The following NOSTRIN variants were observed in gnomAD, a reference collection of about 807,000 sequenced individuals.
The protein encoded by NOSTRIN is BM247 homolog.
A neutral mutation model predicts 59.0 loss-of-function variants in NOSTRIN; 63 were observed. The observed-to-expected ratio is 1.07, with a 90% CI of 0.87 to 1.32. The LOEUF (loss-of-function observed/expected upper bound fraction) is 1.32. Among genes scored for constraint, NOSTRIN ranks in the 40% most tolerant of loss-of-function variants. NOSTRIN has a pLI of 0.00. For missense variants in NOSTRIN, 512 were observed against 473.1 expected, an observed-to-expected ratio of 1.08 and a Z score of -0.76; for synonymous variants, 200 against 165.4, an observed-to-expected ratio of 1.21 and a Z score of -1.61.
chr2:168,824,052 G>T (rs1407104209), intron 2 of NOSTRIN, among the ~76,000 whole-genome samples: 1 of 152,152 alleles, frequency 6.6e-6, no homozygotes, highest in Non-Finnish European at 1.5e-5. Context: ...TCCAGCCTGG[G>T]CAACAAGAGG....
At chr2:168,849,761 C>G (rs1045894251) in intron 8 of NOSTRIN, among the ~76,000 whole-genome samples, 3 of 151,860 alleles carry the variant, frequency 2.0e-5, no homozygotes, top group Admixed American at 6.6e-5. Flanking sequence ...ACATACCCAG[C>G]AGCCTTACAC....
intron 1 of NOSTRIN, among the ~76,000 whole-genome samples, chr2:168,806,032 T>G (rs1685834659): frequency 6.6e-6 from 1 of 152,090 alleles, no homozygotes; most frequent in African/African-American, 2.4e-5. Flanking sequence ...ATGTTCCATA[T>G]CCCGTAATCT....
At chr2:168,861,617 A>G (rs1276301080) in intron 14 of NOSTRIN, among the ~76,000 whole-genome samples, 2 of 152,228 alleles carry the variant, frequency 1.3e-5, no homozygotes, top group Non-Finnish European at 2.9e-5. Flanking sequence ...ACATGCCCCA[A>G]ATATCCCGTA....
At chr2:168,846,403 T>C (rs1688428104) in intron 8 of NOSTRIN, among the ~76,000 whole-genome samples, 1 of 152,208 alleles carries the variant, frequency 6.6e-6, no homozygotes, top group Non-Finnish European at 1.5e-5. Context: ...TCCTTTTTAC[T>C]CTACAGGTTG....
chr2:168,794,831 G>A (rs929941059), upstream of NOSTRIN, among the ~76,000 whole-genome samples: 1 of 149,832 alleles, frequency 6.7e-6, no homozygotes. Context: ...CTGGGCTCAA[G>A]GGATCCTCCT....
chr2:168,790,502 A>G (rs1425788975), intron 2 of NOSTRIN, among the ~76,000 whole-genome samples: 1 of 152,216 alleles, frequency 6.6e-6, no homozygotes, highest in African/African-American at 2.4e-5. Flanking sequence ...TCACAGCATC[A>G]CTTCTGTGAT....
intron 15 of NOSTRIN, chr2:168,863,487 G>C (rs1480991730): frequency 2.0e-6 from 2 of 985,128 alleles, no homozygotes; most frequent in African/African-American, 3.5e-5. Context: ...ATCCTGAAGG[G>C]GGCAGATCTT....
At chr2:168,788,274 AC>A (rs1272320297) in intron 2 of NOSTRIN, among the ~76,000 whole-genome samples, 2 of 151,290 alleles carry the variant, frequency 1.3e-5, no homozygotes, top group African/African-American at 4.9e-5. Context: ...GATATTGATG[AC>A]TTTTTCTTCT....
chr2:168,854,989 T>A (rs1011029022), intron 10 of NOSTRIN, among the ~76,000 whole-genome samples: 1 of 152,178 alleles, frequency 6.6e-6, no homozygotes, highest in Non-Finnish European at 1.5e-5. Flanking sequence ...GATATTACAT[T>A]TGGGCCATTA....
chr2:168,855,638 C>CAAAAAAAAAAAAAAAAAAAAGAAAAAA, intron 11 of NOSTRIN, 178 bp downstream of exon 11: 2 of 115,544 alleles, frequency 1.7e-5, no homozygotes, highest in African/African-American at 3.5e-5. Context: ...AAAAGAAAGC[C>CAAAAAAAAAAAAAAAAAAAAGAAAAAA]AAAAAAAAAA....
chr2:168,800,124 C>T (rs780631137), upstream of NOSTRIN, among the ~76,000 whole-genome samples: 17 of 152,222 alleles, frequency 1.1e-4, no homozygotes, highest in African/African-American at 1.4e-4. Flanking sequence ...TGATGAAATA[C>T]GGCCTCAGCC....
chr2:168,796,703 C>T (rs538356854), upstream of NOSTRIN, among the ~76,000 whole-genome samples: 5 of 152,242 alleles, frequency 3.3e-5, no homozygotes, highest in Admixed American at 6.5e-5. Context: ...GGGATTCTTG[C>T]GGAATCCTAC....
chr2:168,838,786 A>ATT (rs1199087405), intron 7 of NOSTRIN, among the ~76,000 whole-genome samples: 147 of 120,384 alleles, frequency 1.2e-3, no homozygotes, highest in African/African-American at 5.1e-3. Flanking sequence ...AATAAAAAAA[A>ATT]CTCTTTTTTT....
chr2:168,787,131 C>A (rs1685226568), intron 1 of NOSTRIN, among the ~76,000 whole-genome samples: 1 of 152,114 alleles, frequency 6.6e-6, no homozygotes, highest in African/African-American at 2.4e-5. Flanking sequence ...GAAAAGGTTT[C>A]AAGCAGAAAG....
At chr2:168,811,938 C>T in intron 2 of NOSTRIN, 1 of 240,626 alleles carries the variant, frequency 4.2e-6, no homozygotes, top group African/African-American at 2.3e-5. Context: ...ACTGTTGGAT[C>T]TGATGCATAG....
chr2:168,819,604 C>T (rs1686611369), intron 2 of NOSTRIN, among the ~76,000 whole-genome samples: 1 of 152,152 alleles, frequency 6.6e-6, no homozygotes, highest in African/African-American at 2.4e-5. Context: ...GACACTGTCC[C>T]ACACCCATCT....
intron 7 of NOSTRIN, among the ~76,000 whole-genome samples, chr2:168,838,519 C>T (rs772231940): frequency 7.2e-5 from 11 of 152,294 alleles, no homozygotes; most frequent in East Asian, 1.9e-4. Context: ...GGATTACAGG[C>T]GCGAGCCACC....
At chr2:168,851,207 T>G in intron 9 of NOSTRIN, 25 bp downstream of exon 9, 1 of 1,614,166 alleles carries the variant, frequency 6.2e-7, no homozygotes, top group African/African-American at 1.3e-5. Context: ...TCTCTCCATT[T>G]CTGGTATGCC....
intron 3 of NOSTRIN, among the ~76,000 whole-genome samples, chr2:168,826,789 T>C (rs1687086829): frequency 6.6e-6 from 1 of 152,228 alleles, no homozygotes; most frequent in Non-Finnish European, 1.5e-5. Flanking sequence ...TTGATCAGTT[T>C]TGACATATGT....
Sources: allele counts gnomAD v4.1 joint callset (sites outside exome capture counted in the v4.1 genomes callset), GRCh38; gene constraint gnomAD v4.1.1; transcripts MANE v1.5; gene names NCBI Gene and HGNC (gene_info 2026-07-23, HGNC 2026-07-21).